The following DEPTOR variants were observed in gnomAD, a reference collection of about 807,000 sequenced individuals.
The protein encoded by DEPTOR is DEP domain containing MTOR interacting protein.
DEPTOR carries 41 observed loss-of-function variants against 41.6 expected under a neutral mutation model. The ratio of observed to expected loss-of-function variants is 0.98; its 90% confidence interval spans 0.77 to 1.28. DEPTOR has a LOEUF of 1.28. Among genes scored for constraint, DEPTOR ranks in the 50% most tolerant of loss-of-function variants. The pLI, the probability that DEPTOR is intolerant of heterozygous loss-of-function variation, is 0.00. For synonymous variants in DEPTOR, 195 were observed against 192.3 expected, an observed-to-expected ratio of 1.01 and a Z score of -0.12; for missense variants, 514 against 527.9, an observed-to-expected ratio of 0.97 and a Z score of 0.26.
At chr8:119,915,535 TG>T (rs1164315200) in intron 1 of DEPTOR, among the ~76,000 whole-genome samples, 1 of 152,184 alleles carries the variant, frequency 6.6e-6, no homozygotes, top group Non-Finnish European at 1.5e-5. Context: ...TAGCAACTTC[TG>T]TTTCCACAGT....
At position 119,911,549 on chromosome 8, in the gene DEPTOR, C is replaced by T. The variant is rs192152639; in HGVS notation, c.123-16851C>T. 1.7e-3 allele frequency among the ~76,000 whole-genome samples: 261 copies of T among 152,170 alleles called. 1 individual carries two copies. Among genetic ancestry groups the T allele is most frequent in the Non-Finnish European group, 3.1e-3 (213 of 68,016 alleles). Reference sequence around the variant, plus strand: ...GTCACACTGGTCTTGAATTCCCGACCTCAGGTGATCCACCCACCTCAGCCT... The same window carrying T: ...GTCACACTGGTCTTGAATTCCCGACTTCAGGTGATCCACCCACCTCAGCCT... On this transcript the variant is annotated intron_variant, in intron 1 of 8. Coordinates refer to ENST00000286234, the MANE Select transcript of DEPTOR (RefSeq NM_022783.4).
intron 3 of DEPTOR, among the ~76,000 whole-genome samples, chr8:119,933,380 C>G (rs1433781112): frequency 6.6e-6 from 1 of 150,680 alleles, no homozygotes; most frequent in African/African-American, 2.4e-5. Flanking sequence ...ATCCCAGCTA[C>G]TTGGGAGGCT....
intron 3 of DEPTOR, among the ~76,000 whole-genome samples, chr8:119,964,403 TA>T (rs2129965117): frequency 6.6e-6 from 1 of 151,462 alleles, no homozygotes; most frequent in East Asian, 2.0e-4. Flanking sequence ...TAATCCCAGC[TA>T]CTCTGGAGGC....
chr8:119,935,334 T>C (rs1828096801), intron 3 of DEPTOR, among the ~76,000 whole-genome samples: 1 of 152,112 alleles, frequency 6.6e-6, no homozygotes, highest in South Asian at 2.1e-4. Context: ...AAAAGAACAA[T>C]GTTGAATCTC....
intron 8 of DEPTOR, among the ~76,000 whole-genome samples, chr8:120,024,162 G>A (rs539141094): frequency 5.9e-5 from 9 of 152,088 alleles, no homozygotes; most frequent in Non-Finnish European, 1.2e-4. Context: ...GCTTGACCCT[G>A]GGAGGTGGAG....
intron 4 of DEPTOR, among the ~76,000 whole-genome samples, chr8:119,969,152 T>C (rs1828601219): frequency 6.6e-6 from 1 of 151,976 alleles, no homozygotes. Flanking sequence ...TCTTATACTA[T>C]GATGTACTGA....
intron 1 of DEPTOR, among the ~76,000 whole-genome samples, chr8:119,927,961 T>C (rs1827983843): frequency 6.6e-6 from 1 of 152,106 alleles, no homozygotes; most frequent in Non-Finnish European, 1.5e-5. Context: ...CATTCATTAA[T>C]ATTTTTTATA....
intron 4 of DEPTOR, among the ~76,000 whole-genome samples, chr8:119,975,424 G>C (rs1749727650): frequency 6.6e-6 from 1 of 152,168 alleles, no homozygotes; most frequent in Non-Finnish European, 1.5e-5. Flanking sequence ...TATTGCAATA[G>C]GGGAGACAGA....
intron 1 of DEPTOR, among the ~76,000 whole-genome samples, chr8:119,920,096 T>G (rs546901759): frequency 2.0e-5 from 3 of 151,640 alleles, no homozygotes; most frequent in Admixed American, 6.6e-5. Context: ...ATAGGAAGGT[T>G]TTTTTTTTCT....
intron 1 of DEPTOR, among the ~76,000 whole-genome samples, chr8:119,923,893 C>CTT (rs769960283): frequency 2.9e-5 from 3 of 104,980 alleles, no homozygotes; most frequent in Non-Finnish European, 6.7e-5. Flanking sequence ...TTTTTTCTTT[C>CTT]TTTTTTTTTT....
At chr8:120,038,297 G>A (rs1813009248) in intron 8 of DEPTOR, among the ~76,000 whole-genome samples, 1 of 143,920 alleles carries the variant, frequency 6.9e-6, no homozygotes, top group Non-Finnish European at 1.5e-5. Context: ...GAAGAAGAAA[G>A]TAAAAAAAGA....
intron 3 of DEPTOR, among the ~76,000 whole-genome samples, chr8:119,961,252 A>G (rs1233984639): frequency 1.3e-5 from 2 of 151,712 alleles, no homozygotes; most frequent in African/African-American, 4.8e-5. Flanking sequence ...CCCCGTCTCT[A>G]TGAAAAACAC....
chr8:119,994,975 A>T (rs913884337), intron 4 of DEPTOR, among the ~76,000 whole-genome samples: 1 of 151,922 alleles, frequency 6.6e-6, no homozygotes, highest in African/African-American at 2.4e-5. Flanking sequence ...AAGAATTAGA[A>T]TTTCAGAATA....
intron 3 of DEPTOR, among the ~76,000 whole-genome samples, chr8:119,944,464 G>A (rs985222537): frequency 1.3e-5 from 2 of 152,006 alleles, no homozygotes; most frequent in Non-Finnish European, 2.9e-5. Context: ...ATCACCTTGG[G>A]TTCCAGCACA....
chr8:119,895,343 T>A (rs548828211), intron 1 of DEPTOR, among the ~76,000 whole-genome samples: 1 of 152,298 alleles, frequency 6.6e-6, no homozygotes, highest in Admixed American at 6.5e-5. Context: ...TAAAGGTGAA[T>A]ACCACAACAT....
At position 119,980,061 on chromosome 8, in the gene DEPTOR, T is replaced by C. The variant is rs150662606; in HGVS notation, c.604+14651T>C. ...TTGTTGGTTGGCTGTTCTGTTCTTG[T>C]GGGAAATCAGCCACCAGACCAGGGC... is the stretch of plus-strand genomic sequence containing the variant. On this transcript the variant is annotated intron_variant, in intron 4 of 8. Coordinates refer to ENST00000286234, the MANE Select transcript of DEPTOR (RefSeq NM_022783.4). Among the ~76,000 whole-genome samples, 142 of 151,598 alleles carry C rather than the reference T, an allele frequency of 9.4e-4. 1 individual carries two copies. The highest frequency in any genetic ancestry group is 1.8e-3 in the Non-Finnish European group (121 of 67,946).
chr8:120,032,396 T>C lies in DEPTOR; in HGVS notation c.1102-17180T>C, dbSNP rs1357965233. 3.3e-5 allele frequency among the ~76,000 whole-genome samples: 5 copies of C among 152,022 alleles called. No homozygotes were observed. The East Asian group carries it at 9.7e-4, about 29-fold the overall frequency. Reference sequence around the variant, plus strand: ...CACCATTCCCAGTTAATTTTTTGTATTTTTAGTAGAGATGAGGTTTCACCA... The same window carrying C: ...CACCATTCCCAGTTAATTTTTTGTACTTTTAGTAGAGATGAGGTTTCACCA... On this transcript the variant is annotated intron_variant, in intron 8 of 8. Transcript: ENST00000286234.
At position 120,050,465 on chromosome 8, in the gene DEPTOR, G is replaced by T. The variant is rs1167407214; in HGVS notation, c.*761G>T. 1 of 152,130 alleles carries T rather than the reference G, an allele frequency of 6.6e-6. No homozygotes were observed. The highest frequency in any genetic ancestry group is 2.4e-5 in the African/African-American group (1 of 41,428). The allele number at this position is 152,130 out of a possible 1,614,324, so 9.4% of individuals were successfully genotyped here. A position where few individuals can be genotyped will look rare whatever the true frequency, so the allele number is the denominator to read the frequency against. ...AGAATTAATCCTGAATATGTTGAAT[G>T]TTAAAATAGAGAAGTTTGTATATAC... On this transcript the variant is annotated 3_prime_UTR_variant, in exon 9 of 9. Coordinates refer to ENST00000286234, the MANE Select transcript of DEPTOR (RefSeq NM_022783.4).
At chr8:119,958,334 C>G (rs186605141) in intron 3 of DEPTOR, among the ~76,000 whole-genome samples, 1 of 152,216 alleles carries the variant, frequency 6.6e-6, no homozygotes, top group African/African-American at 2.4e-5. Flanking sequence ...TAGACCTGCC[C>G]CCTTTCATGG....
Sources: allele counts gnomAD v4.1 joint callset (sites outside exome capture counted in the v4.1 genomes callset), GRCh38; gene constraint gnomAD v4.1.1; transcripts MANE v1.5; gene names NCBI Gene and HGNC (gene_info 2026-07-23, HGNC 2026-07-21).